Variants in GALNT2 observed in about 807,000 individuals in gnomAD.
The protein encoded by GALNT2 is UDP-GalNAc:polypeptide N-acetylgalactosaminyltransferase 2.
A neutral mutation model predicts 81.4 loss-of-function variants in GALNT2; 31 were observed. That is an observed-to-expected ratio of 0.38 (90% CI 0.29 to 0.51). The LOEUF is 0.51. Among genes scored for constraint, GALNT2 ranks in the 20% least tolerant of loss-of-function variants. GALNT2 has a pLI of 0.87. For missense variants in GALNT2, 629 were observed against 765.7 expected (o/e 0.82, Z 2.11); for synonymous variants, 303 against 287.4 (o/e 1.05, Z -0.55).
chr1:230,060,586 T>G (rs1659022896), intron 1 of GALNT2, among the ~76,000 whole-genome samples: 1 of 152,114 alleles, frequency 6.6e-6, no homozygotes, highest in Admixed American at 6.6e-5. Flanking sequence ...AAATGTCTGT[T>G]GAAAGACATT....
intron 2 of GALNT2, among the ~76,000 whole-genome samples, chr1:230,183,034 ATCTAAAG>A (rs1005928928): frequency 6.6e-6 from 1 of 152,214 alleles, no homozygotes; most frequent in African/African-American, 2.4e-5. Flanking sequence ...AATTCCTATG[ATCTAAAG>A]TCTACATTGT....
intron 1 of GALNT2, among the ~76,000 whole-genome samples, chr1:230,073,375 G>A (rs1482117370): frequency 6.6e-6 from 1 of 152,140 alleles, no homozygotes; most frequent in Non-Finnish European, 1.5e-5. Flanking sequence ...GAAATAAAAG[G>A]GGCTCAAGAC....
intron 1 of GALNT2, among the ~76,000 whole-genome samples, chr1:230,134,549 C>G (rs1661476801): frequency 1.3e-5 from 2 of 152,224 alleles, no homozygotes; most frequent in African/African-American, 4.8e-5. Flanking sequence ...GTGTATCCCT[C>G]TCAAACCTCC....
upstream of GALNT2, among the ~76,000 whole-genome samples, chr1:230,067,040 C>T (rs1659205835): frequency 2.0e-5 from 3 of 148,372 alleles, no homozygotes; most frequent in Admixed American, 2.0e-4. Context: ...TGCTCCCTGA[C>T]CCCCCTCGCC....
At chr1:230,172,443 A>G (rs557809524) in intron 1 of GALNT2, among the ~76,000 whole-genome samples, 1 of 152,276 alleles carries the variant, frequency 6.6e-6, no homozygotes, top group African/African-American at 2.4e-5. Flanking sequence ...CAGATTCCTG[A>G]CCCTCAGACA....
chr1:230,211,527 G>C (rs1260230660), intron 3 of GALNT2, among the ~76,000 whole-genome samples: 1 of 152,186 alleles, frequency 6.6e-6, no homozygotes, highest in Non-Finnish European at 1.5e-5. Flanking sequence ...GGGCACAGTG[G>C]CTCACACCTG....
chr1:230,220,424 G>A (rs1256299460), intron 3 of GALNT2, among the ~76,000 whole-genome samples: 5 of 152,122 alleles, frequency 3.3e-5, no homozygotes, highest in Admixed American at 6.5e-5. Flanking sequence ...TTGCTATGCT[G>A]TAGATGAGGG....
chr1:230,119,955 A>G (rs1269939645), intron 1 of GALNT2, among the ~76,000 whole-genome samples: 1 of 152,102 alleles, frequency 6.6e-6, no homozygotes, highest in Non-Finnish European at 1.5e-5. Flanking sequence ...TCCCGGGGTC[A>G]CATTGTCTGT....
chr1:230,242,876 TCAC>T (rs1425013584), intron 6 of GALNT2, among the ~76,000 whole-genome samples: 2 of 152,206 alleles, frequency 1.3e-5, no homozygotes, highest in Non-Finnish European at 2.9e-5. Context: ...ACAGAGATAG[TCAC>T]AACACTGTTG....
chr1:230,220,159 A>G (rs1482625944), intron 3 of GALNT2, among the ~76,000 whole-genome samples: 1 of 152,218 alleles, frequency 6.6e-6, no homozygotes, highest in Non-Finnish European at 1.5e-5. Context: ...GAACATGAAT[A>G]TGCATACCAA....
intron 1 of GALNT2, among the ~76,000 whole-genome samples, chr1:230,125,470 T>C (rs556574961): frequency 6.6e-6 from 1 of 152,344 alleles, no homozygotes; most frequent in Admixed American, 6.5e-5. Context: ...TAAGGAGAGA[T>C]GAAAGGTTTA....
intron 1 of GALNT2, among the ~76,000 whole-genome samples, chr1:230,079,420 G>T (rs1234831201): frequency 6.6e-6 from 1 of 152,222 alleles, no homozygotes; most frequent in Non-Finnish European, 1.5e-5. Flanking sequence ...GTTTCTGATG[G>T]ACCCACAGGT....
rs1009732485 is a variant in GALNT2 at position 230,124,534 on chromosome 1, A to G, written c.127-53684A>G. ...GGTTGCATCATGTCCAGAAATAACT[A>G]TGGTGGGGCCTAATGGGAGTAATTC... On this transcript the variant is annotated intron_variant, in intron 1 of 15. Transcript: ENST00000366672. Among the ~76,000 whole-genome samples, 5 of 152,298 alleles carry G rather than the reference A, an allele frequency of 3.3e-5. No homozygotes were observed. In the East Asian group the frequency reaches 7.7e-4, roughly 23 times the overall value.
At chr1:230,066,682 C>G (rs1274897920), upstream of GALNT2, among the ~76,000 whole-genome samples, 1 of 152,232 alleles carries the variant, frequency 6.6e-6, no homozygotes, top group Non-Finnish European at 1.5e-5. Flanking sequence ...AAGAGCAAGC[C>G]CGTTAAGGGT....
intron 11 of GALNT2, 28 bp from the exon 12 acceptor site, chr1:230,262,545 C>T: frequency 6.3e-7 from 1 of 1,582,120 alleles, no homozygotes; most frequent in South Asian, 1.1e-5. Context: ...GAAAGGAAAT[C>T]ACACCTCAAG....
In GALNT2 at chr1:230,257,879, G is replaced by A. The variant is rs987953376; in HGVS notation, c.1136+2535G>A. 1.3e-5 allele frequency among the ~76,000 whole-genome samples: 2 copies of A among 152,180 alleles called. No homozygotes were observed. The highest frequency in any genetic ancestry group is 4.8e-5 in the African/African-American group (2 of 41,434). Reference sequence around the variant, plus strand: ...CCCTACAGAAATAGGGAAAGCCTTGGGGTGGGTGTGGGTGTGGGGATTGCT... The same window carrying A: ...CCCTACAGAAATAGGGAAAGCCTTGAGGTGGGTGTGGGTGTGGGGATTGCT... On this transcript the variant is annotated intron_variant, in intron 11 of 15. Transcript: ENST00000366672. This position sits in a 1 kb window ranked among gnomAD's most constrained non-coding sequence, Gnocchi z 4.6.
At chr1:230,060,907 C>G (rs1330701526) in intron 1 of GALNT2, among the ~76,000 whole-genome samples, 1 of 152,168 alleles carries the variant, frequency 6.6e-6, no homozygotes, top group African/African-American at 2.4e-5. Flanking sequence ...TGTGCTCTCT[C>G]TCTCCTCTGC....
intron 1 of GALNT2, among the ~76,000 whole-genome samples, chr1:230,104,696 T>C (rs1292520458): frequency 1.3e-5 from 2 of 152,314 alleles, no homozygotes; most frequent in East Asian, 3.9e-4. Context: ...GTAAATGACA[T>C]TTGCAGTGCT....
At chr1:230,149,906 C>T (rs1194815579) in intron 1 of GALNT2, among the ~76,000 whole-genome samples, 1 of 152,142 alleles carries the variant, frequency 6.6e-6, no homozygotes, top group Non-Finnish European at 1.5e-5. Flanking sequence ...AGGGCTTCTC[C>T]GGTGGCCATC....
Sources: gnomAD v4.1 joint callset for allele counts (sites outside exome capture counted in the v4.1 genomes callset) on GRCh38, gnomAD v4.1.1 for gene constraint, Gnocchi (gnomAD v3.1) non-coding constraint, MANE v1.5 for transcripts, NCBI Gene and HGNC (gene_info 2026-07-23, HGNC 2026-07-21) for gene names.